The following KCNG3 variants were observed in gnomAD, a reference collection of about 807,000 sequenced individuals.
KCNG3 encodes voltage-gated potassium channel regulatory subunit KCNG3.
Under a neutral mutation model 29.0 loss-of-function variants are expected in KCNG3, and 15 were observed. That is an observed-to-expected ratio of 0.52 (90% CI 0.35 to 0.80). KCNG3 has a LOEUF of 0.80. KCNG3 is among the 30% of genes least tolerant of loss of function. KCNG3 has a pLI of 0.01. For synonymous variants in KCNG3, 322 were observed against 248.9 expected, an observed-to-expected ratio of 1.29 and a Z score of -2.76; for missense variants, 512 against 605.7, an observed-to-expected ratio of 0.85 and a Z score of 1.62.
chr2:42,456,329 G>C (rs989439983), intron 1 of KCNG3, among the ~76,000 whole-genome samples: 1 of 152,060 alleles, frequency 6.6e-6, no homozygotes. Context: ...AGTAGTTCGA[G>C]TCCAGTCTGG....
In KCNG3 at chr2:42,479,784, G is replaced by A. The variant is rs189139756; in HGVS notation, c.665+13053C>T. ...CCAGCACTTTGGGAGGCCAAGGCGG[G>A]CAAATCACTTGAGGCCAGGAGTTCA... is the stretch of plus-strand genomic sequence containing the variant. On this transcript the variant is annotated intron_variant, in intron 1 of 1. Coordinates refer to ENST00000306078, the MANE Select transcript of KCNG3 (RefSeq NM_133329.6). Among the ~76,000 whole-genome samples the A allele has an allele frequency of 2.0e-5, 3 of 152,340 alleles. No individual in the cohort carries two copies. The East Asian group carries it at 5.8e-4, about 29-fold the overall frequency.
intron 1 of KCNG3, chr2:42,463,161 C>A: frequency 2.9e-6 from 1 of 343,488 alleles, no homozygotes; most frequent in Non-Finnish European, 5.5e-6. Context: ...TAATCCTAGA[C>A]CAAGCTCATG....
intron 1 of KCNG3, among the ~76,000 whole-genome samples, chr2:42,465,355 T>A (rs1673117575): frequency 6.6e-6 from 1 of 152,094 alleles, no homozygotes; most frequent in Admixed American, 6.6e-5. Context: ...TAGCTCGGAC[T>A]ACAGGTGTGC....
At chr2:42,391,312 A>G in the KCNG3 span, among the ~76,000 whole-genome samples, 1 of 152,184 alleles carries the variant, frequency 6.6e-6, no homozygotes, top group Non-Finnish European at 1.5e-5. Flanking sequence ...ATGGTTGCCT[A>G]AAGACCCAGG....
At chr2:42,410,366 T>C in the KCNG3 span, among the ~76,000 whole-genome samples, 3 of 152,126 alleles carry the variant, frequency 2.0e-5, no homozygotes, top group Non-Finnish European at 4.4e-5. Flanking sequence ...TTTGCAATTC[T>C]GACAAAAATT....
At chr2:42,483,726 G>C (rs893885567) in intron 1 of KCNG3, among the ~76,000 whole-genome samples, 5 of 152,196 alleles carry the variant, frequency 3.3e-5, no homozygotes, top group African/African-American at 1.2e-4. Flanking sequence ...CATCCATGCA[G>C]TGGAATGCTA....
chr2:42,432,716 A>T, the KCNG3 span, among the ~76,000 whole-genome samples: 1 of 152,220 alleles, frequency 6.6e-6, no homozygotes, highest in Non-Finnish European at 1.5e-5. Context: ...TAATGAAGAG[A>T]ATCAGTTTAA....
chr2:42,419,403 A>C, the KCNG3 span, among the ~76,000 whole-genome samples: 1 of 151,046 alleles, frequency 6.6e-6, no homozygotes, highest in South Asian at 2.1e-4. Flanking sequence ...ATGCCCGGCC[A>C]ATTTTTTGTA....
At chr2:42,391,439 G>A in the KCNG3 span, among the ~76,000 whole-genome samples, 1 of 152,124 alleles carries the variant, frequency 6.6e-6, no homozygotes, top group African/African-American at 2.4e-5. Context: ...CTTATTTACA[G>A]CCAGTTTGGG....
At chr2:42,448,441 G>C (rs1441489151) in intron 1 of KCNG3, among the ~76,000 whole-genome samples, 1 of 151,668 alleles carries the variant, frequency 6.6e-6, no homozygotes, top group East Asian at 1.9e-4. Flanking sequence ...CCACTGGTTT[G>C]AAATGGTGGC....
At chr2:42,403,621 CTTTTTTTT>C in the KCNG3 span, among the ~76,000 whole-genome samples, 1 of 134,388 alleles carries the variant, frequency 7.4e-6, no homozygotes, top group African/African-American at 2.7e-5. Flanking sequence ...ACTTTTTTTT[CTTTTTTTT>C]TTTTTTTGTA....
the KCNG3 span, among the ~76,000 whole-genome samples, chr2:42,394,693 C>T: frequency 9.5e-4 from 145 of 152,292 alleles, 1 homozygote; most frequent in African/African-American, 3.3e-3. Flanking sequence ...AGTTGTCCCG[C>T]CTTTCCAAAC....
intron 1 of KCNG3, among the ~76,000 whole-genome samples, chr2:42,483,323 T>C (rs1278435637): frequency 6.6e-6 from 1 of 152,214 alleles, no homozygotes; most frequent in Non-Finnish European, 1.5e-5. Context: ...TATCAAAAAA[T>C]GTTTAAAGCA....
rs1672513648 is a variant in KCNG3, at chr2:42,442,763, G to A, written c.*1171C>T. The A allele has an allele frequency of 6.6e-6, 1 of 152,056 alleles. No individual in the cohort carries two copies. The highest frequency in any genetic ancestry group is 2.1e-4 in the South Asian group (1 of 4,822). The allele number at this position is 152,056 out of a possible 1,614,324, so 9.4% of individuals were successfully genotyped here. ...ACAATCATCACTTTTACATTATCTA[G>A]TCCTAATAATCTAGCCAGATTAACA... On this transcript the variant is annotated 3_prime_UTR_variant, in exon 2 of 2. Coordinates refer to ENST00000306078, the MANE Select transcript of KCNG3 (RefSeq NM_133329.6).
the KCNG3 span, among the ~76,000 whole-genome samples, chr2:42,406,602 G>A: frequency 2.3e-4 from 34 of 150,730 alleles, no homozygotes; most frequent in Non-Finnish European, 3.9e-4. Flanking sequence ...TGAGGTGGGT[G>A]GATCACAAGG....
intron 1 of KCNG3, among the ~76,000 whole-genome samples, chr2:42,468,462 C>A (rs907645473): frequency 1.3e-5 from 2 of 151,912 alleles, no homozygotes; most frequent in Non-Finnish European, 2.9e-5. Context: ...CAGCAAAAGG[C>A]AGAAATTATA....
the KCNG3 span, among the ~76,000 whole-genome samples, chr2:42,418,410 T>A: frequency 6.6e-6 from 1 of 152,194 alleles, no homozygotes; most frequent in Admixed American, 6.5e-5. Flanking sequence ...GATCTAGAAG[T>A]ACCCAAAAAC....
intron 1 of KCNG3, among the ~76,000 whole-genome samples, chr2:42,460,216 G>A (rs532179047): frequency 1.3e-5 from 2 of 151,788 alleles, no homozygotes; most frequent in South Asian, 4.2e-4. Context: ...AAAATAGCAG[G>A]CATGATGGTG....
At position 42,493,261 on chromosome 2, in the gene KCNG3, C is replaced by T; in HGVS notation, c.241G>A (p.Gly81Ser). Residue 81 changes from glycine to serine, a missense_variant, in exon 1 of 2, where the codon GGC becomes AGC. Gly to Ser is a moderately conservative substitution (Grantham distance 56). This residue lies in a region of KCNG3 where 91 missense variants were observed against 91.1 expected (regional missense o/e 1.00). Transcript: ENST00000306078. The part of the protein sequence containing the change: ...GFILLYVRGH[G>S]KLRFAPRMCE... ...ATCCGCGGCGCGAAGCGCAGCTTGC[C>T]GTGGCCGCGCACGTAGAGCAGGATG... The T allele has an allele frequency of 6.2e-7, 1 of 1,612,184 alleles. No individual in the cohort carries two copies. The highest frequency in any genetic ancestry group is 8.5e-7 in the Non-Finnish European group (1 of 1,179,812).
Sources: allele counts gnomAD v4.1 joint callset (sites outside exome capture counted in the v4.1 genomes callset), GRCh38; gene constraint gnomAD v4.1.1; regional missense constraint gnomAD v4.1.1; transcripts MANE v1.5; gene names NCBI Gene and HGNC (gene_info 2026-07-23, HGNC 2026-07-21).